The following KCNH2 variants were observed in gnomAD, a reference collection of about 807,000 sequenced individuals.
The protein encoded by KCNH2 is potassium voltage-gated channel subfamily H member 2.
In KCNH2, 35 loss-of-function variants were observed where a neutral mutation model predicts 95.9. The ratio of observed to expected loss-of-function variants is 0.37; its 90% CI spans 0.28 to 0.48. The LOEUF is 0.48. Ranked by LOEUF, KCNH2 falls within the 20% of genes least tolerant of loss-of-function variation. The pLI is 0.99. For missense variants in KCNH2, 1,274 were observed against 1,702.9 expected (o/e 0.75, Z 4.43); for synonymous variants, 786 against 754.7 (o/e 1.04, Z -0.68).
chr7:150,946,580 G>A lies in KCNH2; in HGVS notation c.3330+297C>T, dbSNP rs1017073326. On this transcript the variant is annotated intron_variant, in intron 14 of 14. Transcript: ENST00000262186. The surrounding 1 kb of genome is among the most constrained non-coding windows in gnomAD (Gnocchi z 6.5). ...GAGCTGGCTCTTCAGGCGATGCTCC[G>A]GGGCCTGGCGGTGGAGGCTGTGGAC... is the stretch of plus-strand genomic sequence containing the variant. Among the ~76,000 whole-genome samples, 1 of 152,204 alleles carries A rather than the reference G, an allele frequency of 6.6e-6. No individual in the cohort carries two copies. The highest frequency in any genetic ancestry group is 1.5e-5 in the Non-Finnish European group (1 of 68,032).
Position 150,948,425 on chromosome 7 carries a change from C to G in KCNH2, c.2692+19G>C. On this transcript the variant is annotated intron_variant, in intron 11 of 14. Coordinates refer to ENST00000262186, the MANE Select transcript of KCNH2 (RefSeq NM_000238.4). ...CACCTTGTCCCCGCCCTCCCCCTTC[C>G]TCCCCTCCCCCGCCTCACCCTTGTC... The G allele has an allele frequency of 4.2e-6, 6 of 1,436,858 alleles. No individual in the cohort carries two copies. Among genetic ancestry groups the G allele is most frequent in the Non-Finnish European group, 5.8e-6 (6 of 1,033,428 alleles). The allele number at this position is 1,436,858 out of a possible 1,614,324, so 89.0% of individuals were successfully genotyped here.
Position 150,952,240 on chromosome 7 carries a change from T to G in KCNH2, c.1557+185A>C, listed in dbSNP as rs951661460. 2.0e-5 allele frequency among the ~76,000 whole-genome samples: 3 copies of G among 152,186 alleles called. No homozygotes were observed. The highest frequency in any genetic ancestry group is 7.2e-5 in the African/African-American group (3 of 41,438). On this transcript the variant is annotated intron_variant, in intron 6 of 14. Transcript: ENST00000262186. This position sits in a 1 kb window ranked among gnomAD's most constrained non-coding sequence, Gnocchi z 7.3. ...TTGTGTGGAGAGAAGGAGCATAGGTTTGCTGGGGTACCCACCTTGCCTCTG... is the reference window on the plus strand; with the variant it reads ...TTGTGTGGAGAGAAGGAGCATAGGTGTGCTGGGGTACCCACCTTGCCTCTG...
Position 150,948,423 on chromosome 7 carries a change from T to TCCCCC in KCNH2, c.2692+20_2692+21insGGGGG. ...CTCACCTTGTCCCCGCCCTCCCCCT[T>TCCCCC]CCTCCCCTCCCCCGCCTCACCCTTG... On this transcript the variant is annotated intron_variant, in intron 11 of 14. Transcript: ENST00000262186. 6 of 894,046 alleles carry TCCCCC rather than the reference T, an allele frequency of 6.7e-6. No homozygotes were observed. The Admixed American group carries it at 8.4e-5, about 12-fold the overall frequency. 55.4% of individuals were successfully genotyped at this position (894,046 alleles called of 1,614,324 possible).
At chr7:150,972,932 A>G (rs547996660) in intron 2 of KCNH2, among the ~76,000 whole-genome samples, 7 of 152,358 alleles carry the variant, frequency 4.6e-5, no homozygotes, top group African/African-American at 1.7e-4. Flanking sequence ...AAGAGCCCTC[A>G]GCCGCTGCTG....
intron 2 of KCNH2, among the ~76,000 whole-genome samples, chr7:150,969,190 G>A (rs912942694): frequency 3.9e-5 from 6 of 152,182 alleles, no homozygotes; most frequent in East Asian, 1.9e-4. Flanking sequence ...CAGGCCACCC[G>A]CCAGCTGGGT....
intron 2 of KCNH2, among the ~76,000 whole-genome samples, chr7:150,964,203 C>T (rs1215454663): frequency 6.6e-6 from 1 of 152,226 alleles, no homozygotes; most frequent in Non-Finnish European, 1.5e-5. Flanking sequence ...CTTCTGGGGT[C>T]AGAGTCTCCG....
intron 2 of KCNH2, among the ~76,000 whole-genome samples, chr7:150,964,714 C>A (rs1273126766): frequency 6.6e-6 from 1 of 152,226 alleles, no homozygotes; most frequent in African/African-American, 2.4e-5. Flanking sequence ...TCGCTCGGAG[C>A]AGGAGGAGCT....
chr7:150,947,386 G>A lies in KCNH2; in HGVS notation c.3094C>T (p.Arg1032Trp), dbSNP rs373394254. ...CTCTCCACGTCGCCCCGGGGCCGCCGACCCGGGCTGGAGAGGGGGATGTTG... is the reference window on the plus strand; with the variant it reads ...CTCTCCACGTCGCCCCGGGGCCGCCAACCCGGGCTGGAGAGGGGGATGTTG... ...LLNIPLSSPG[R>W]RPRGDVESRL... The change falls in exon 13 of 15, where the codon CGG becomes TGG. Residue 1032 changes from arginine (R) to tryptophan (W), a missense_variant. Coordinates refer to ENST00000262186, the MANE Select transcript of KCNH2 (RefSeq NM_000238.4). 3.7e-5 allele frequency: 57 copies of A among 1,549,430 alleles called. No homozygotes were observed. In the East Asian group the frequency reaches 4.9e-4, roughly 13 times the overall value.
Position 150,958,331 on chromosome 7 carries a change from A to G in KCNH2, c.644T>C (p.Val215Ala). ...TGCCACGTGGTTGTCCATGGCTGTC[A>G]CTTCGTCCAGGGCCAGCGACTCGCT... is the stretch of plus-strand genomic sequence containing the variant. ...PSSESLALDE[V>A]TAMDNHVAGL... The change falls in exon 4 of 15, where the codon GTG (valine) becomes GCG (alanine). Residue 215 changes from valine (V) to alanine (A), a missense_variant. Coordinates refer to ENST00000262186, the MANE Select transcript of KCNH2 (RefSeq NM_000238.4). The G allele has an allele frequency of 6.7e-7, 1 of 1,489,634 alleles. No homozygotes were observed. Among genetic ancestry groups the G allele is most frequent in the Non-Finnish European group, 8.9e-7 (1 of 1,127,206 alleles). The allele number at this position is 1,489,634 out of a possible 1,614,324, so 92.3% of individuals were successfully genotyped here.
intron 5 of KCNH2, chr7:150,955,646 G>A (rs1425618379): frequency 7.1e-7 from 1 of 1,415,728 alleles, no homozygotes; most frequent in Non-Finnish European, 9.2e-7. Context: ...CTGGCATGAA[G>A]CCAGGGTGGT....
At chr7:150,954,147 G>A (rs1032488098) in intron 5 of KCNH2, among the ~76,000 whole-genome samples, 2 of 152,198 alleles carry the variant, frequency 1.3e-5, no homozygotes, top group African/African-American at 4.8e-5. Flanking sequence ...GGGCAGGGAG[G>A]GAACACATGG....
At chr7:150,971,658 C>A (rs1801843228) in intron 2 of KCNH2, among the ~76,000 whole-genome samples, 1 of 151,436 alleles carries the variant, frequency 6.6e-6, no homozygotes, top group Non-Finnish European at 1.5e-5. Flanking sequence ...GGGAAGAAGA[C>A]AGGAGGAGGC....
In KCNH2 at chr7:150,950,437, G is replaced by A. The variant is rs201471606; in HGVS notation, c.2146-17C>T. The A allele has an allele frequency of 6.8e-6, 11 of 1,610,100 alleles. No individual in the cohort carries two copies. The East Asian group carries it at 1.8e-4, about 26-fold the overall frequency. On this transcript the variant is annotated splice_polypyrimidine_tract_variant and intron_variant, in intron 8 of 14. Coordinates refer to ENST00000262186, the MANE Select transcript of KCNH2 (RefSeq NM_000238.4). The stretch of plus-strand genomic sequence containing the variant: ...CTTCAGCACCTGGGGGCAGGGTGGG[G>A]GCAGCTCAGCACACCCTCCCTTGGG...
At chr7:150,971,479 G>T (rs920183748) in intron 2 of KCNH2, among the ~76,000 whole-genome samples, 2 of 152,070 alleles carry the variant, frequency 1.3e-5, no homozygotes, top group African/African-American at 2.4e-5. Context: ...AGACACCACC[G>T]TCCCCACCCA....
chr7:150,951,171 C>T (rs1489012292), intron 7 of KCNH2, 51 bp from the exon 8 acceptor site: 3 of 1,456,332 alleles, frequency 2.1e-6, no homozygotes, highest in African/African-American at 1.4e-5. Flanking sequence ...ACCCCACCCA[C>T]CCACAGGGAC....
In KCNH2 at chr7:150,946,971, C is replaced by T. The variant is rs767372791; in HGVS notation, c.3236G>A (p.Ser1079Asn). 1.2e-6 allele frequency: 2 copies of T among 1,609,738 alleles called. No homozygotes were observed. Among genetic ancestry groups the T allele is most frequent in the East Asian group, 2.2e-5 (1 of 44,736 alleles). ...RQMTLVPPAY[S>N]AVTTPGPGPT... Reference sequence around the variant, plus strand: ...GCCAGGCCCCGGGGTGGTCACAGCACTGTAGGCGGGCGGGACCAGCGTCAT... The same window carrying T: ...GCCAGGCCCCGGGGTGGTCACAGCATTGTAGGCGGGCGGGACCAGCGTCAT... Residue 1079 changes from serine to asparagine, a missense_variant, in exon 14 of 15, where the codon AGT becomes AAT. By Grantham distance (46) the Ser-to-Asn change is conservative. This residue lies in a region of KCNH2 where 457 missense variants were observed against 416.1 expected (regional missense o/e 1.10). Coordinates refer to ENST00000262186, the MANE Select transcript of KCNH2 (RefSeq NM_000238.4). The surrounding 1 kb of genome is among the most constrained non-coding windows in gnomAD (Gnocchi z 6.5).
Position 150,946,886 on chromosome 7 carries a change from C to G in KCNH2, c.3321G>C (p.Ser1107=), listed in dbSNP as rs189457419. 2 of 1,596,384 alleles carry G rather than the reference C, an allele frequency of 1.3e-6. No individual in the cohort carries two copies. Among genetic ancestry groups the G allele is most frequent in the Admixed American group, 3.4e-5 (2 of 58,950 alleles). The change falls in exon 14 of 15, where the codon TCG becomes TCC. Residue 1107 remains serine, a synonymous_variant. Coordinates refer to ENST00000262186, the MANE Select transcript of KCNH2 (RefSeq NM_000238.4). The surrounding 1 kb of genome is among the most constrained non-coding windows in gnomAD (Gnocchi z 6.5). ...VSPLPTLTLD[S]LSQVSQFMAC... ...CAGGGCTGGAGCTTACCTGAGAAAGCGAGTCCAAGGTGAGGGTGGGGAGGG... is the reference window on the plus strand; with the variant it reads ...CAGGGCTGGAGCTTACCTGAGAAAGGGAGTCCAAGGTGAGGGTGGGGAGGG...
rs199472936 is a variant in KCNH2 at position 150,951,592 on chromosome 7, C to A, written c.1801G>T (p.Gly601Cys). The A allele has an allele frequency of 6.2e-7, 1 of 1,614,188 alleles. No individual in the cohort carries two copies. Among genetic ancestry groups the A allele is most frequent in the Non-Finnish European group, 8.5e-7 (1 of 1,180,038 alleles). ...TCCTTGATGGAGGGGCCGCCCAGGC[C>A]GCTGCTGTTGTAGGGTTTGCCTATC... ...DQIGKPYNSS[G>C]LGGPSIKDKY... The change falls in exon 7 of 15, where the codon GGC becomes TGC. Residue 601 changes from glycine (G) to cysteine (C), a missense_variant. Coordinates refer to ENST00000262186, the MANE Select transcript of KCNH2 (RefSeq NM_000238.4).
chr7:150,950,109 C>T lies in KCNH2; in HGVS notation c.2398+59G>A, dbSNP rs768415161. 3 of 1,611,668 alleles carry T rather than the reference C, an allele frequency of 1.9e-6. No homozygotes were observed. Among genetic ancestry groups the T allele is most frequent in the Non-Finnish European group, 2.5e-6 (3 of 1,178,648 alleles). On this transcript the variant is annotated intron_variant, in intron 9 of 14. Transcript: ENST00000262186. ...CCAGTGACTGCATATTCAGAAGGCTCGCACCTCTTGAGGCTGCAGAGGGCA... is the reference window on the plus strand; with the variant it reads ...CCAGTGACTGCATATTCAGAAGGCTTGCACCTCTTGAGGCTGCAGAGGGCA...
Sources: allele counts gnomAD v4.1 joint callset (sites outside exome capture counted in the v4.1 genomes callset), GRCh38; gene constraint gnomAD v4.1.1; regional missense constraint gnomAD v4.1.1; non-coding constraint Gnocchi (gnomAD v3.1); transcripts MANE v1.5; gene names NCBI Gene and HGNC (gene_info 2026-07-23, HGNC 2026-07-21).